SLFN11: variants seen among roughly 807,000 people sequenced by gnomAD.
SLFN11 encodes schlafen family member 11.
SLFN11 carries 43 observed loss-of-function variants against 53.4 expected under a neutral mutation model. The observed-to-expected ratio is 0.80, with a 90% confidence interval of 0.63 to 1.04. SLFN11 has a LOEUF of 1.04. Ranked by LOEUF, SLFN11 falls within the 50% of genes least tolerant of loss-of-function variation. The pLI is 0.00. For synonymous variants in SLFN11, 389 were observed against 394.7 expected, an observed-to-expected ratio of 0.99 and a Z score of 0.17; for missense variants, 990 against 1,079.1, an observed-to-expected ratio of 0.92 and a Z score of 1.16.
Position 35,352,470 on chromosome 17 carries a change from T to C in SLFN11, c.2592A>G (p.Ile864Met), listed in dbSNP as rs1906811330. 4.3e-6 allele frequency: 7 copies of C among 1,614,110 alleles called. No individual in the cohort carries two copies. The highest frequency in any genetic ancestry group is 5.9e-6 in the Non-Finnish European group (7 of 1,180,054). ...VRRFSGLERS[I>M]VFGIHPRTAD... ...CTGTCCTTGGATGGATCCCAAACAC[T>C]ATGCTCCTTTCCAGGCCTGAGAATC... Residue 864 changes from isoleucine to methionine, a missense_variant, in exon 7 of 7, where the codon ATA becomes ATG. Physicochemically the swap from Ile to Met is conservative, Grantham distance 10. Coordinates refer to ENST00000685675, the MANE Select transcript of SLFN11 (RefSeq NM_001376007.1).
At chr17:35,366,854 T>C (rs1000162730) in intron 3 of SLFN11, 93 bp downstream of exon 3, 3 of 152,132 alleles carry the variant, frequency 2.0e-5, no homozygotes, top group African/African-American at 7.2e-5. Context: ...GGCAGATCAC[T>C]TGAGCCTAGG....
chr17:35,365,318 G>T (rs1018784907), intron 3 of SLFN11, among the ~76,000 whole-genome samples: 1 of 152,124 alleles, frequency 6.6e-6, no homozygotes, highest in Non-Finnish European at 1.5e-5. Context: ...GTGAGATGGG[G>T]TCTCACTCTG....
chr17:35,357,574 T>C lies in SLFN11; in HGVS notation c.1198+2669A>G, dbSNP rs1907673805. 2.0e-5 allele frequency among the ~76,000 whole-genome samples: 3 copies of C among 151,380 alleles called. No individual in the cohort carries two copies. The South Asian group carries it at 6.2e-4, about 31-fold the overall frequency. On this transcript the variant is annotated intron_variant, in intron 5 of 6. Coordinates refer to ENST00000685675, the MANE Select transcript of SLFN11 (RefSeq NM_001376007.1). ...ATGTATTTATGAGCATGTCTGTTTTTCTCTACTTACTTGCAAGGCCAGTTT... is the reference window on the plus strand; with the variant it reads ...ATGTATTTATGAGCATGTCTGTTTTCCTCTACTTACTTGCAAGGCCAGTTT...
intron 1 of SLFN11, among the ~76,000 whole-genome samples, chr17:35,372,795 T>A (rs1036082474): frequency 2.0e-5 from 3 of 150,868 alleles, no homozygotes; most frequent in Non-Finnish European, 4.4e-5. Context: ...AAAATTAATT[T>A]AAAAAAAAAG....
Position 35,353,955 on chromosome 17 carries a change from A to G in SLFN11, c.1303T>C (p.Phe435Leu). ...ELINKQMQPF[F>L]RGILIFSRSW... Reference sequence around the variant, plus strand: ...CTAGAGAAGATCAAAATTCCCCGAAAGAAAGGTTGCATTTGCTTATTTATT... The same window carrying G: ...CTAGAGAAGATCAAAATTCCCCGAAGGAAAGGTTGCATTTGCTTATTTATT... Residue 435 changes from phenylalanine (F) to leucine (L), a missense_variant, in exon 6 of 7, where the codon TTT becomes CTT. Around this residue, in one of 3 missense-constraint regions of SLFN11, gnomAD observed 521 missense variants for 516.2 expected, o/e 1.01. Transcript: ENST00000685675. The G allele has an allele frequency of 6.2e-7, 1 of 1,614,054 alleles. No homozygotes were observed. Among genetic ancestry groups the G allele is most frequent in the African/African-American group, 1.3e-5 (1 of 75,034 alleles).
At chr17:35,357,543 T>A (rs1410254448) in intron 5 of SLFN11, among the ~76,000 whole-genome samples, 1 of 151,406 alleles carries the variant, frequency 6.6e-6, no homozygotes. Context: ...GCCACCAAGT[T>A]ACCCTATGTA....
chr17:35,362,518 G>T (rs1892981567), intron 4 of SLFN11, among the ~76,000 whole-genome samples: 1 of 152,066 alleles, frequency 6.6e-6, no homozygotes, highest in South Asian at 2.1e-4. Flanking sequence ...TTTCTGTTCA[G>T]TTACTAATGT....
At chr17:35,354,817 G>T (rs1176328619) in intron 5 of SLFN11, among the ~76,000 whole-genome samples, 1 of 152,086 alleles carries the variant, frequency 6.6e-6, no homozygotes, top group Admixed American at 6.5e-5. Context: ...TCCTGTTGTG[G>T]TAGTGTTAGA....
rs777668696 is a variant in SLFN11, at chr17:35,352,936, T to C, written c.2126A>G (p.His709Arg). ...WIFLDYFQTSHLDCSGLPPLS... is the reference protein window; with the variant it reads ...WIFLDYFQTSRLDCSGLPPLS... ...AGGAGGGAGGCCACTGCAATCCAAG[T>C]GGCTGGTCTGAAAGTAATCCAGAAA... Residue 709 changes from histidine to arginine, a missense_variant, in exon 7 of 7, where the codon CAC becomes CGC. By Grantham distance (29) the His-to-Arg change is conservative (BLOSUM62 0). Around this residue, in one of 3 missense-constraint regions of SLFN11, gnomAD observed 313 missense variants for 320.9 expected, o/e 0.98. Coordinates refer to ENST00000685675, the MANE Select transcript of SLFN11 (RefSeq NM_001376007.1). 4 of 1,614,218 alleles carry C rather than the reference T, an allele frequency of 2.5e-6. No homozygotes were observed. In the Admixed American group the frequency reaches 6.7e-5, roughly 27 times the overall value.
chr17:35,365,464 T>A (rs972972782), intron 3 of SLFN11, among the ~76,000 whole-genome samples: 5 of 62,264 alleles, frequency 8.0e-5, no homozygotes, highest in African/African-American at 2.5e-4. Context: ...CTTTAAAAAT[T>A]TTTTTTTTTG....
At chr17:35,368,831 A>G (rs1157255123) in intron 1 of SLFN11, among the ~76,000 whole-genome samples, 3 of 152,134 alleles carry the variant, frequency 2.0e-5, no homozygotes, top group African/African-American at 7.2e-5. Flanking sequence ...CACATTGGTC[A>G]GGGTCATGAG....
In SLFN11 at chr17:35,363,846, G is replaced by T; in HGVS notation, c.-19-20C>A. On this transcript the variant is annotated intron_variant, in intron 3 of 6. Transcript: ENST00000685675. ...CTGAAACTATTAGAAGAAATGAAGTGTTACATGCATGCAATTCATTTATTA... is the reference window on the plus strand; with the variant it reads ...CTGAAACTATTAGAAGAAATGAAGTTTTACATGCATGCAATTCATTTATTA... 6.7e-7 allele frequency: 1 copy of T among 1,482,622 alleles called. No homozygotes were observed. Among genetic ancestry groups the T allele is most frequent in the Non-Finnish European group, 9.1e-7 (1 of 1,103,718 alleles). The allele number at this position is 1,482,622 out of a possible 1,614,324, so 91.8% of individuals were successfully genotyped here. A position where few individuals can be genotyped will look rare whatever the true frequency, so the allele number is the denominator to read the frequency against.
At position 35,363,455 on chromosome 17, in the gene SLFN11, T is replaced by A. The variant is rs757669425; in HGVS notation, c.353A>T (p.Asp118Val). The change falls in exon 4 of 7, where the codon GAT becomes GTT. Residue 118 changes from aspartate to valine, a missense_variant. By Grantham distance (152) the Asp-to-Val change is radical (BLOSUM62 -3). Coordinates refer to ENST00000685675, the MANE Select transcript of SLFN11 (RefSeq NM_001376007.1). ...KSWSSGPFPE[D>V]RSVKPRLCSL... ...GCAAAGGCGGGGCTTGACAGAGCGA[T>A]CTTCAGGGAAAGGGCCACTGCTCCA... 6.2e-7 allele frequency: 1 copy of A among 1,613,936 alleles called. No homozygotes were observed. Among genetic ancestry groups the A allele is most frequent in the Non-Finnish European group, 8.5e-7 (1 of 1,179,952 alleles).
At position 35,352,225 on chromosome 17, in the gene SLFN11, A is replaced by C; in HGVS notation, c.*131T>G. ...GGAACCCCTGAAAGGAGAGCCAGAAATGGGGGAGCTCCAAACTCTTTGTGT... is the reference window on the plus strand; with the variant it reads ...GGAACCCCTGAAAGGAGAGCCAGAACTGGGGGAGCTCCAAACTCTTTGTGT... On this transcript the variant is annotated 3_prime_UTR_variant, in exon 7 of 7. Coordinates refer to ENST00000685675, the MANE Select transcript of SLFN11 (RefSeq NM_001376007.1). The C allele has an allele frequency of 2.5e-6, 3 of 1,205,450 alleles. No individual in the cohort carries two copies. In the East Asian group the frequency reaches 7.2e-5, roughly 29 times the overall value. 74.7% of individuals were successfully genotyped at this position (1,205,450 alleles called of 1,614,324 possible).
At chr17:35,371,939 C>T (rs1909724487) in intron 1 of SLFN11, among the ~76,000 whole-genome samples, 3 of 152,082 alleles carry the variant, frequency 2.0e-5, no homozygotes, top group Non-Finnish European at 2.9e-5. Flanking sequence ...AAAAATAAAG[C>T]TACCACACAA....
Position 35,360,263 on chromosome 17 carries a change from A to G in SLFN11, c.1178T>C (p.Leu393Pro). ...ATTACCTGAAAATAAAAGTTGCTGG[A>G]GTTCCTTTTTATGTTCCAGGCCTTT... The part of the protein sequence containing the change: ...SKKGLEHKKE[L>P]QQLLFSVPPG... Residue 393 changes from leucine (L) to proline (P), a missense_variant, in exon 5 of 7, where the codon CTC becomes CCC. By Grantham distance (98) the Leu-to-Pro change is moderately conservative. Transcript: ENST00000685675. 6.2e-7 allele frequency: 1 copy of G among 1,610,764 alleles called. No individual in the cohort carries two copies. Among genetic ancestry groups the G allele is most frequent in the Non-Finnish European group, 8.5e-7 (1 of 1,179,044 alleles).
intron 1 of SLFN11, among the ~76,000 whole-genome samples, chr17:35,371,150 A>C (rs1367254012): frequency 6.6e-6 from 1 of 152,066 alleles, no homozygotes; most frequent in Non-Finnish European, 1.5e-5. Flanking sequence ...AGAATAGAGA[A>C]CCCAGACACA....
At position 35,352,989 on chromosome 17, in the gene SLFN11, T is replaced by C. The variant is rs199890326; in HGVS notation, c.2073A>G (p.Ala691=). The C allele has an allele frequency of 1.1e-5, 18 of 1,614,090 alleles. No individual in the cohort carries two copies. Among genetic ancestry groups the C allele is most frequent in the Non-Finnish European group, 1.4e-5 (17 of 1,180,038 alleles). ...TCCAGAGAATTCCTGGGCCACCCTT[T>C]GCTCTCCGAGTGATGCTTTTTGCCT... is the stretch of plus-strand genomic sequence containing the variant. ...YGKAKSITRR[A]KGGPGILWIF... Residue 691 remains alanine, a synonymous_variant, in exon 7 of 7, where the codon GCA becomes GCG. Transcript: ENST00000685675.
rs1360566861 is a variant in SLFN11 at position 35,362,711 on chromosome 17, AG to A, written c.1069+27del. ...GAGGTCCCAAGGATGTAGAAAGGAC[AG>A]GGAGGGAGGAGCTTTCTCCCTCTTA... On this transcript the variant is annotated intron_variant, in intron 4 of 6. Coordinates refer to ENST00000685675, the MANE Select transcript of SLFN11 (RefSeq NM_001376007.1). The A allele has an allele frequency of 4.7e-6, 7 of 1,503,518 alleles. No individual in the cohort carries two copies. In the African/African-American group the frequency reaches 9.8e-5, roughly 21 times the overall value. The allele number at this position is 1,503,518 out of a possible 1,614,324, so 93.1% of individuals were successfully genotyped here. A position where few individuals can be genotyped will look rare whatever the true frequency, so the allele number is the denominator to read the frequency against.
Sources: allele counts gnomAD v4.1 joint callset (sites outside exome capture counted in the v4.1 genomes callset), GRCh38; gene constraint gnomAD v4.1.1; regional missense constraint gnomAD v4.1.1; transcripts MANE v1.5; gene names NCBI Gene and HGNC (gene_info 2026-07-23, HGNC 2026-07-21).